Variants in WFDC10B observed in about 807,000 individuals in gnomAD.
WFDC10B encodes WAP four-disulfide core domain 10B.
Under a neutral mutation model 2.7 loss-of-function variants are expected in WFDC10B, and 1 was observed. The ratio of observed to expected loss-of-function variants is 0.38; its 90% CI spans 0.13 to 1.79. The LOEUF (loss-of-function observed/expected upper bound fraction) is 1.79. Among genes scored for constraint, WFDC10B ranks in the 40% most tolerant of loss-of-function variants. The probability of loss-of-function intolerance (pLI) is 0.33; values close to 1 mark genes in which losing one functional copy is unlikely to be tolerated. For synonymous variants in WFDC10B, 26 were observed against 32.2 expected, an observed-to-expected ratio of 0.81 and a Z score of 0.65; for missense variants, 71 against 87.8, an observed-to-expected ratio of 0.81 and a Z score of 0.76.
chr20:45,699,224 CA>C (rs1984072834), intron 2 of WFDC10B, among the ~76,000 whole-genome samples: 2 of 152,034 alleles, frequency 1.3e-5, no homozygotes, highest in Non-Finnish European at 2.9e-5. Flanking sequence ...GGAGTTTCCT[CA>C]AAAAAGTAAA....
intron 2 of WFDC10B, among the ~76,000 whole-genome samples, chr20:45,695,212 T>A (rs533456140): frequency 6.6e-5 from 10 of 152,268 alleles, no homozygotes; most frequent in Admixed American, 2.6e-4. Context: ...TTGGGAGTAG[T>A]CTTGTGAAAT....
At chr20:45,691,855 ATG>A (rs1983823884) in intron 2 of WFDC10B, among the ~76,000 whole-genome samples, 1 of 152,120 alleles carries the variant, frequency 6.6e-6, no homozygotes, top group Non-Finnish European at 1.5e-5. Context: ...TAGTATTGTT[ATG>A]TGTGAATTTG....
intron 2 of WFDC10B, among the ~76,000 whole-genome samples, chr20:45,700,325 TAAAG>T (rs1984114559): frequency 6.6e-6 from 1 of 152,160 alleles, no homozygotes; most frequent in Non-Finnish European, 1.5e-5. Context: ...AGAGAATTGA[TAAAG>T]AAGGGCTGCT....
intron 2 of WFDC10B, among the ~76,000 whole-genome samples, chr20:45,693,974 C>G (rs952823869): frequency 1.3e-5 from 2 of 152,178 alleles, no homozygotes; most frequent in African/African-American, 2.4e-5. Flanking sequence ...CATCTTGGCT[C>G]CTCCTCCTGT....
At chr20:45,687,798 CT>C (rs1409756106) in intron 2 of WFDC10B, among the ~76,000 whole-genome samples, 4 of 151,842 alleles carry the variant, frequency 2.6e-5, no homozygotes, top group Admixed American at 2.0e-4. Context: ...TATATGTCTT[CT>C]CTTGAGAAGT....
At chr20:45,702,092 G>C (rs202149081) in intron 2 of WFDC10B, 1 of 1,602,288 alleles carries the variant, frequency 6.2e-7, no homozygotes, top group African/African-American at 1.3e-5. Context: ...GCAACCCTTG[G>C]CCAGAACTTA....
chr20:45,691,685 G>T (rs1216841031), intron 2 of WFDC10B, among the ~76,000 whole-genome samples: 2 of 151,900 alleles, frequency 1.3e-5, no homozygotes, highest in African/African-American at 4.8e-5. Context: ...TTTTCCATTT[G>T]CTTGGTAGAT....
At chr20:45,693,124 G>A (rs1449234560) in intron 2 of WFDC10B, among the ~76,000 whole-genome samples, 8 of 152,136 alleles carry the variant, frequency 5.3e-5, no homozygotes, top group Non-Finnish European at 4.4e-5. Context: ...TATCAGCAGC[G>A]GTGTCTGCAG....
intron 1 of WFDC10B, 112 bp downstream of exon 1, chr20:45,704,806 A>C: frequency 1.5e-6 from 2 of 1,319,012 alleles, no homozygotes; most frequent in Admixed American, 1.7e-5. Context: ...ACCACATCCC[A>C]TCACCATATC....
intron 2 of WFDC10B, among the ~76,000 whole-genome samples, chr20:45,687,106 A>C (rs1983644773): frequency 6.6e-6 from 1 of 152,060 alleles, no homozygotes; most frequent in South Asian, 2.1e-4. Flanking sequence ...TCAACCCATC[A>C]CCTAGGTATC....
In WFDC10B at chr20:45,704,963, T is replaced by C; in HGVS notation, c.-175A>G. ...CCAAAGCAAAATTTGTCCTACACTT[T>C]TGCTTGCCCTCCTTTCACAAGACAC... is the stretch of plus-strand genomic sequence containing the variant. On this transcript the variant is annotated 5_prime_UTR_variant, in exon 1 of 4. Coordinates refer to ENST00000330523, the MANE Select transcript of WFDC10B (RefSeq NM_172006.2). 1 of 1,614,174 alleles carries C rather than the reference T, an allele frequency of 6.2e-7. No homozygotes were observed. The highest frequency in any genetic ancestry group is 8.5e-7 in the Non-Finnish European group (1 of 1,180,026).
Position 45,704,971 on chromosome 20 carries a change from C to T in WFDC10B, c.-183G>A, listed in dbSNP as rs184667601. Reference sequence around the variant, plus strand: ...AAATTTGTCCTACACTTTTGCTTGCCCTCCTTTCACAAGACACCATCCTTT... The same window carrying T: ...AAATTTGTCCTACACTTTTGCTTGCTCTCCTTTCACAAGACACCATCCTTT... On this transcript the variant is annotated 5_prime_UTR_variant, in exon 1 of 4. Transcript: ENST00000330523. 1.9e-6 allele frequency: 3 copies of T among 1,614,128 alleles called. No individual in the cohort carries two copies. The highest frequency in any genetic ancestry group is 2.2e-5 in the East Asian group (1 of 44,888).
chr20:45,693,161 T>C (rs1037392507), intron 2 of WFDC10B, among the ~76,000 whole-genome samples: 2 of 152,214 alleles, frequency 1.3e-5, no homozygotes, highest in African/African-American at 4.8e-5. Context: ...GAACCGCGAA[T>C]GCTACTGTCT....
Position 45,704,495 on chromosome 20 carries a change from A to T in WFDC10B, c.-65+2T>A. 1.9e-6 allele frequency: 3 copies of T among 1,613,982 alleles called. No individual in the cohort carries two copies. Among genetic ancestry groups the T allele is most frequent in the Non-Finnish European group, 2.5e-6 (3 of 1,179,968 alleles). The stretch of plus-strand genomic sequence containing the variant: ...ATATCAGCACCTGAAAACTGTACTC[A>T]CCTGTGTACAATGCAGGAAGATTGC... On this transcript the variant is annotated splice_donor_variant, in intron 2 of 3. Transcript: ENST00000330523. LOFTEE classifies it low-confidence loss of function (5UTR_SPLICE).
rs186620584 is a variant in WFDC10B at position 45,694,467 on chromosome 20, T to C, written c.-64-8411A>G. Among the ~76,000 whole-genome samples the C allele has an allele frequency of 3.9e-4, 60 of 152,250 alleles. 2 individuals carry two copies. The East Asian group carries it at 0.01, about 26-fold the overall frequency. On this transcript the variant is annotated intron_variant, in intron 2 of 3. Coordinates refer to ENST00000330523, the MANE Select transcript of WFDC10B (RefSeq NM_172006.2). ...GATTATATATCGATAAAAGGGTCAA[T>C]TCATCAAAAAGATATAAAAATTATA... is the stretch of plus-strand genomic sequence containing the variant.
chr20:45,700,060 A>G (rs1984103015), intron 2 of WFDC10B, among the ~76,000 whole-genome samples: 1 of 152,206 alleles, frequency 6.6e-6, no homozygotes, highest in African/African-American at 2.4e-5. Context: ...ATTATGCATA[A>G]TTGTTCATTG....
chr20:45,700,537 G>C (rs981443468), intron 2 of WFDC10B, among the ~76,000 whole-genome samples: 1 of 152,106 alleles, frequency 6.6e-6, no homozygotes, highest in African/African-American at 2.4e-5. Flanking sequence ...CTTAATGTTT[G>C]AAAATCTGAA....
In WFDC10B at chr20:45,685,999, G is replaced by T. The variant is rs776767455; in HGVS notation, c.-7C>A. 6.2e-7 allele frequency: 1 copy of T among 1,613,576 alleles called. No homozygotes were observed. Among genetic ancestry groups the T allele is most frequent in the African/African-American group, 1.3e-5 (1 of 74,934 alleles). ...GCAGAGTCTGGGGTGCCATAACTCT[G>T]ACCAGAGCGTGAGCCCTAAGTCTGG... On this transcript the variant is annotated 5_prime_UTR_variant, in exon 3 of 4. The change creates a premature stop within an existing upstream ORF in the 5' untranslated region. Transcript: ENST00000330523.
At chr20:45,703,200 G>A (rs896737371) in intron 2 of WFDC10B, among the ~76,000 whole-genome samples, 5 of 152,204 alleles carry the variant, frequency 3.3e-5, no homozygotes, top group African/African-American at 7.2e-5. Context: ...GGATCATGGT[G>A]TCTATCTCTA....
Sources: gnomAD v4.1 joint callset for allele counts (sites outside exome capture counted in the v4.1 genomes callset) on GRCh38, gnomAD v4.1.1 for gene constraint, MANE v1.5 for transcripts, NCBI Gene and HGNC (gene_info 2026-07-23, HGNC 2026-07-21) for gene names.